The following ZFYVE26 variants were observed in gnomAD, a reference collection of about 807,000 sequenced individuals.
ZFYVE26 encodes zinc finger FYVE-type containing 26.
ZFYVE26 carries 181 observed loss-of-function variants against 276.5 expected under a neutral mutation model. That is an observed-to-expected ratio of 0.65 (90% CI 0.58 to 0.74). The LOEUF (loss-of-function observed/expected upper bound fraction) is 0.74. ZFYVE26 is among the 30% of genes least tolerant of loss of function. The pLI is 0.00. For missense variants in ZFYVE26, 2,821 were observed against 3,097.9 expected, an observed-to-expected ratio of 0.91 and a Z score of 2.12; for synonymous variants, 1,129 against 1,203.1, an observed-to-expected ratio of 0.94 and a Z score of 1.27.
At position 67,802,219 on chromosome 14, in the gene ZFYVE26, C is replaced by A; in HGVS notation, c.1499G>T (p.Gly500Val). The change falls in exon 10 of 42, where the codon GGC (glycine) becomes GTC (valine). Residue 500 changes from glycine to valine, a missense_variant. Transcript: ENST00000347230. ...GATGGCATACTTCATGGCACAGAAGCCCTGGTAGAGTGTCAGGTTCTGACA... is the reference window on the plus strand; with the variant it reads ...GATGGCATACTTCATGGCACAGAAGACCTGGTAGAGTGTCAGGTTCTGACA... Reference protein sequence around the residue: ...SQCQNLTLYQGFCAMKYAIYA... With the variant: ...SQCQNLTLYQVFCAMKYAIYA... The A allele has an allele frequency of 6.2e-7, 1 of 1,614,158 alleles. No homozygotes were observed. The highest frequency in any genetic ancestry group is 8.5e-7 in the Non-Finnish European group (1 of 1,180,030).
Position 67,789,445 on chromosome 14 carries a change from G to C in ZFYVE26, c.2909C>G (p.Pro970Arg), listed in dbSNP as rs769364228. The change falls in exon 16 of 42, where the codon CCT (proline) becomes CGT (arginine). Residue 970 changes from proline (P) to arginine (R), a missense_variant. Coordinates refer to ENST00000347230, the MANE Select transcript of ZFYVE26 (RefSeq NM_015346.4). ...AGCTAGGTCAAATGCAGCCATGGCAGGGGGACTGAGGTCTTCCAGAACCTC... is the reference window on the plus strand; with the variant it reads ...AGCTAGGTCAAATGCAGCCATGGCACGGGGACTGAGGTCTTCCAGAACCTC... ...LREVLEDLSP[P>R]AMAAFDLACS... 13 of 1,614,206 alleles carry C rather than the reference G, an allele frequency of 8.1e-6. No homozygotes were observed. Among genetic ancestry groups the C allele is most frequent in the Non-Finnish European group, 1.0e-5 (12 of 1,180,040 alleles).
chr14:67,785,652 T>C (rs2039629957), intron 18 of ZFYVE26, among the ~76,000 whole-genome samples: 1 of 152,186 alleles, frequency 6.6e-6, no homozygotes, highest in African/African-American at 2.4e-5. Flanking sequence ...TATCAGCTGA[T>C]GGAGTGTTCA....
At position 67,762,400 on chromosome 14, in the gene ZFYVE26, T is replaced by C; in HGVS notation, c.6172A>G (p.Thr2058Ala). The change falls in exon 34 of 42, where the codon ACT becomes GCT. Residue 2058 changes from threonine to alanine, a missense_variant. Physicochemically the swap from Thr to Ala is moderately conservative, Grantham distance 58. Coordinates refer to ENST00000347230, the MANE Select transcript of ZFYVE26 (RefSeq NM_015346.4). ...YQLGVEVSTK[T>A]GLDTTGAWHA... Reference sequence around the variant, plus strand: ...CACGCCCCGGTGGTATCAAGCCCAGTCTTTGTGGAGACCTGGGAGAAAAAT... The same window carrying C: ...CACGCCCCGGTGGTATCAAGCCCAGCCTTTGTGGAGACCTGGGAGAAAAAT... 6 of 1,613,894 alleles carry C rather than the reference T, an allele frequency of 3.7e-6. No individual in the cohort carries two copies. The highest frequency in any genetic ancestry group is 5.1e-6 in the Non-Finnish European group (6 of 1,179,906).
chr14:67,809,408 CTTTTTTTTTTT>C (rs10580613), intron 3 of ZFYVE26, 119 bp from the exon 4 acceptor site: 6 of 213,442 alleles, frequency 2.8e-5, no homozygotes, highest in Admixed American at 8.9e-5. Flanking sequence ...ATGAAGCACT[CTTTTTTTTTTT>C]TTTTTTTTTT....
At chr14:67,774,823 C>T (rs2039298058) in intron 27 of ZFYVE26, among the ~76,000 whole-genome samples, 193 bp downstream of exon 27, 1 of 149,700 alleles carries the variant, frequency 6.7e-6, no homozygotes, top group Admixed American at 6.7e-5. Context: ...CATACTGCCA[C>T]AAATAACAAT....
intron 2 of ZFYVE26, 131 bp downstream of exon 2, chr14:67,815,639 C>T: frequency 1.1e-6 from 1 of 905,302 alleles, no homozygotes; most frequent in Non-Finnish European, 1.8e-6. Context: ...AATTTCAGAG[C>T]ACGTGAAATA....
At chr14:67,802,422 C>G in intron 9 of ZFYVE26, 140 bp from the exon 10 acceptor site, 1 of 843,558 alleles carries the variant, frequency 1.2e-6, no homozygotes, top group Non-Finnish European at 1.9e-6. Context: ...TCGGTCTGAT[C>G]TGTGTCACTT....
intron 4 of ZFYVE26, 88 bp downstream of exon 4, chr14:67,809,112 T>C (rs1366147304): frequency 2.6e-6 from 3 of 1,152,994 alleles, no homozygotes; most frequent in Non-Finnish European, 3.9e-6. Context: ...GGCAACATCT[T>C]GGAGACCTCT....
At chr14:67,776,650 G>A (rs765206927) in intron 25 of ZFYVE26, among the ~76,000 whole-genome samples, 3 of 152,132 alleles carry the variant, frequency 2.0e-5, no homozygotes, top group Non-Finnish European at 4.4e-5. Context: ...AATGAAACCT[G>A]GCACCTCCTA....
In ZFYVE26 at chr14:67,815,751, A is replaced by G. The variant is rs755838439; in HGVS notation, c.194+19T>C. The G allele has an allele frequency of 6.2e-7, 1 of 1,612,114 alleles. No individual in the cohort carries two copies. Among genetic ancestry groups the G allele is most frequent in the Admixed American group, 1.7e-5 (1 of 60,022 alleles). Reference sequence around the variant, plus strand: ...GTCTCTCACCCTGGGACCGTCTGGTAGGAAAAGAGATCCCTTACCTCAGCA... The same window carrying G: ...GTCTCTCACCCTGGGACCGTCTGGTGGGAAAAGAGATCCCTTACCTCAGCA... On this transcript the variant is annotated intron_variant, in intron 2 of 41. Coordinates refer to ENST00000347230, the MANE Select transcript of ZFYVE26 (RefSeq NM_015346.4).
chr14:67,791,971 A>G (rs576390210), intron 14 of ZFYVE26, among the ~76,000 whole-genome samples: 1 of 151,844 alleles, frequency 6.6e-6, no homozygotes, highest in African/African-American at 2.4e-5. Context: ...GAGGCAGGAG[A>G]ATCGCTTGAT....
In ZFYVE26 at chr14:67,793,113, AG is replaced by A. The variant is rs200848031; in HGVS notation, c.2553+494del. The stretch of plus-strand genomic sequence containing the variant: ...TGTCTCTACTAAAAATACAAAAATT[AG>A]CCTGGTGTGGTGGGCACCTGTAATC... On this transcript the variant is annotated intron_variant, in intron 14 of 41. Transcript: ENST00000347230. Among the ~76,000 whole-genome samples, 7 of 151,838 alleles carry A rather than the reference AG, an allele frequency of 4.6e-5. No individual in the cohort carries two copies. The East Asian group carries it at 1.4e-3, about 30-fold the overall frequency.
Position 67,807,560 on chromosome 14 carries a change from C to A in ZFYVE26, c.724G>T (p.Glu242Ter). The A allele has an allele frequency of 1.9e-6, 3 of 1,614,220 alleles. No individual in the cohort carries two copies. The highest frequency in any genetic ancestry group is 2.5e-6 in the Non-Finnish European group (3 of 1,180,034). ...TCGGTCCTGCAGGCCTCTAGTAGTT[C>A]CTCACACAGGAGATGCAACTCAACC... ...LGVELHLLCE[E>*]LLEACRTEGS... is the part of the protein sequence containing the mutation. Residue 242 changes from glutamate (E) to a stop codon, truncating the protein, a stop_gained, in exon 5 of 42, where the codon GAA becomes TAA. Transcript: ENST00000347230. LOFTEE classifies it high-confidence loss of function.
At chr14:67,770,224 G>A in intron 28 of ZFYVE26, 1 of 194,378 alleles carries the variant, frequency 5.1e-6, no homozygotes, top group Non-Finnish European at 1.1e-5. Flanking sequence ...AGCAGTTTGG[G>A]AGGCAGAGGT....
At position 67,747,564 on chromosome 14, in the gene ZFYVE26, AG is replaced by A. The variant is rs1160982083; in HGVS notation, c.*871del. Reference sequence around the variant, plus strand: ...CTTTTCTCTCCCCAGACTCTCAAAGAGGAAGTCCCATTCTCTCACCCACCAA... The same window carrying A: ...CTTTTCTCTCCCCAGACTCTCAAAGAGAAGTCCCATTCTCTCACCCACCAA... On this transcript the variant is annotated 3_prime_UTR_variant, in exon 42 of 42. Transcript: ENST00000347230. The A allele has an allele frequency of 1.3e-5, 2 of 152,398 alleles. No homozygotes were observed. The highest frequency in any genetic ancestry group is 2.9e-5 in the Non-Finnish European group (2 of 68,198). The allele number at this position is 152,398 out of a possible 1,614,324, so 9.4% of individuals were successfully genotyped here.
chr14:67,768,566 A>G lies in ZFYVE26; in HGVS notation c.5622-18T>C. The G allele has an allele frequency of 1.2e-6, 2 of 1,613,782 alleles. No individual in the cohort carries two copies. The highest frequency in any genetic ancestry group is 1.7e-6 in the Non-Finnish European group (2 of 1,179,688). On this transcript the variant is annotated intron_variant, in intron 29 of 41. Coordinates refer to ENST00000347230, the MANE Select transcript of ZFYVE26 (RefSeq NM_015346.4). ...CTGGTACACTGAAAACAGAGAAAGA[A>G]AAATTATTAAATAAATGCCTGAGTC...
downstream of ZFYVE26, among the ~76,000 whole-genome samples, chr14:67,742,703 G>C (rs538672364): frequency 3.3e-5 from 5 of 152,122 alleles, no homozygotes; most frequent in African/African-American, 1.2e-4. Flanking sequence ...TTTGGACATA[G>C]CTTGGACATA....
rs776124540 is a variant in ZFYVE26 at position 67,761,568 on chromosome 14, A to G, written c.6386T>C (p.Phe2129Ser). 2.1e-5 allele frequency: 34 copies of G among 1,614,016 alleles called. No individual in the cohort carries two copies. Among genetic ancestry groups the G allele is most frequent in the Non-Finnish European group, 2.6e-5 (31 of 1,180,032 alleles). ...PFVSLQDDDY[F>S]ATLRELEATL... ...AGCTTCCAGTTCCCTCAGGGTGGCA[A>G]AGTAATCGTCATCTTGCTGACAGCA... is the stretch of plus-strand genomic sequence containing the variant. The change falls in exon 35 of 42, where the codon TTT becomes TCT. Residue 2129 changes from phenylalanine to serine, a missense_variant. Phe to Ser is a radical substitution (Grantham distance 155, BLOSUM62 -2). Coordinates refer to ENST00000347230, the MANE Select transcript of ZFYVE26 (RefSeq NM_015346.4).
intron 32 of ZFYVE26, among the ~76,000 whole-genome samples, chr14:67,764,505 C>T (rs1029678392): frequency 3.9e-5 from 6 of 152,164 alleles, no homozygotes; most frequent in Non-Finnish European, 8.8e-5. Context: ...AGACAAGAGC[C>T]ACTGCACCCA....
Sources: allele counts gnomAD v4.1 joint callset (sites outside exome capture counted in the v4.1 genomes callset), GRCh38; gene constraint gnomAD v4.1.1; transcripts MANE v1.5; gene names NCBI Gene and HGNC (gene_info 2026-07-23, HGNC 2026-07-21).